The following ADAM18 variants were observed in gnomAD, a reference collection of about 807,000 sequenced individuals.
The protein encoded by ADAM18 is disintegrin and metalloproteinase domain-containing protein 18.
ADAM18 carries 117 observed loss-of-function variants against 94.4 expected under a neutral mutation model. The ratio of observed to expected loss-of-function variants is 1.24; its 90% CI spans 1.07 to 1.45. ADAM18 has a LOEUF of 1.45. Among genes scored for constraint, ADAM18 ranks in the 40% most tolerant of loss-of-function variants. ADAM18 has a pLI of 0.00. For synonymous variants in ADAM18, 327 were observed against 291.6 expected (o/e 1.12, Z -1.24); for missense variants, 936 against 880.0 (o/e 1.06, Z -0.81).
At chr8:39,656,973 T>C (rs1287025594) in intron 12 of ADAM18, among the ~76,000 whole-genome samples, 3 of 152,238 alleles carry the variant, frequency 2.0e-5, no homozygotes, top group East Asian at 3.8e-4. Flanking sequence ...TGCTATTTTA[T>C]TGTAAAGTTG....
chr8:39,620,088 T>G lies in ADAM18; in HGVS notation c.523-9286T>G, dbSNP rs553959616. ...ACAGCCATCCTTTTTTATTTTTTAT[T>G]TTTTGACAATGTTGCCAAGAACTCA... On this transcript the variant is annotated intron_variant, in intron 6 of 19. Transcript: ENST00000265707. Among the ~76,000 whole-genome samples, 3 of 152,126 alleles carry G rather than the reference T, an allele frequency of 2.0e-5. No individual in the cohort carries two copies. In the East Asian group the frequency reaches 5.8e-4, roughly 29 times the overall value.
chr8:39,657,820 A>G (rs554992971), intron 12 of ADAM18, among the ~76,000 whole-genome samples: 121 of 152,342 alleles, frequency 7.9e-4, no homozygotes, highest in Non-Finnish European at 1.2e-3. Context: ...CAAAGCCTTT[A>G]TAGTCTTAAA....
chr8:39,617,909 T>C (rs1485301157), intron 6 of ADAM18, among the ~76,000 whole-genome samples: 1 of 152,090 alleles, frequency 6.6e-6, no homozygotes, highest in East Asian at 1.9e-4. Flanking sequence ...CATTGATCTG[T>C]ACATTAAACC....
chr8:39,713,061 A>G (rs1396556818), intron 18 of ADAM18, among the ~76,000 whole-genome samples: 1 of 152,236 alleles, frequency 6.6e-6, no homozygotes, highest in Non-Finnish European at 1.5e-5. Context: ...TACAGTAACC[A>G]AAAGAGCATG....
chr8:39,705,926 T>A (rs1425124714), intron 17 of ADAM18, among the ~76,000 whole-genome samples: 1 of 152,080 alleles, frequency 6.6e-6, no homozygotes, highest in Non-Finnish European at 1.5e-5. Flanking sequence ...TTGGTAAAAA[T>A]CTATTAATGT....
chr8:39,665,877 TAAA>T lies in ADAM18; in HGVS notation c.1326+1989_1326+1991del, dbSNP rs527547689. Among the ~76,000 whole-genome samples, 914 of 152,222 alleles carry T rather than the reference TAAA, an allele frequency of 6.0e-3. 5 individuals are homozygous for T. The highest frequency in any genetic ancestry group is 0.021 in the African/African-American group (870 of 41,538). ...ATAGTCTTTTATCTTTTAGAGTAAA[TAAA>T]AGAAGAAAAAAAATTAAATGAATTA... On this transcript the variant is annotated intron_variant, in intron 13 of 19. Transcript: ENST00000265707.
intron 17 of ADAM18, among the ~76,000 whole-genome samples, chr8:39,700,272 T>C (rs7837269): frequency 0.02 from 2,973 of 152,280 alleles, 92 homozygotes; most frequent in African/African-American, 0.068. Flanking sequence ...AATGATTTTG[T>C]CATGAATTGT....
intron 18 of ADAM18, among the ~76,000 whole-genome samples, chr8:39,709,775 T>C (rs1468138085): frequency 6.6e-6 from 1 of 152,144 alleles, no homozygotes; most frequent in Non-Finnish European, 1.5e-5. Flanking sequence ...AATTTTAAGG[T>C]CCCAAAGTAA....
rs139640056 is a variant in ADAM18, at chr8:39,671,628, C to A, written c.1525+3432C>A. On this transcript the variant is annotated intron_variant, in intron 14 of 19. Coordinates refer to ENST00000265707, the MANE Select transcript of ADAM18 (RefSeq NM_014237.3). ...ATGGAGACAATTGAAAATATGACTA[C>A]CCTAATTTTGAGGCTCCAGGCTTCT... Among the ~76,000 whole-genome samples, 178 of 152,216 alleles carry A rather than the reference C, an allele frequency of 1.2e-3. 1 individual carries two copies. The highest frequency in any genetic ancestry group is 4.1e-3 in the African/African-American group (170 of 41,532).
At chr8:39,667,870 G>A (rs1362578111) in intron 13 of ADAM18, 128 bp from the exon 14 acceptor site, 28 of 919,440 alleles carry the variant, frequency 3.0e-5, no homozygotes, top group Middle Eastern at 3.5e-4. Flanking sequence ...GCAAACTCAC[G>A]GACTTGGGAA....
At chr8:39,706,078 A>C (rs2129581295) in intron 17 of ADAM18, among the ~76,000 whole-genome samples, 1 of 152,232 alleles carries the variant, frequency 6.6e-6, no homozygotes, top group Admixed American at 6.5e-5. Flanking sequence ...TATTGTTTGA[A>C]TTTTACAAAA....
At position 39,727,303 on chromosome 8, in the gene ADAM18, CTCCTTTCAAAGCTT is replaced by C. The variant is rs1335392139; in HGVS notation, c.2178-2579_2178-2566del. ...TGCTCCACAGCCTACTTGAATTCCT[CTCCTTTCAAAGCTT>C]TCCTTTCAAAGCTTTTTCTTGCTAC... is the stretch of plus-strand genomic sequence containing the variant. On this transcript the variant is annotated intron_variant, in intron 19 of 19. Transcript: ENST00000265707. Among the ~76,000 whole-genome samples, 7 of 152,192 alleles carry C rather than the reference CTCCTTTCAAAGCTT, an allele frequency of 4.6e-5. No homozygotes were observed. In the East Asian group the frequency reaches 5.8e-4, roughly 13 times the overall value.
intron 17 of ADAM18, among the ~76,000 whole-genome samples, chr8:39,696,027 G>A (rs540150800): frequency 6.6e-6 from 1 of 151,316 alleles, no homozygotes; most frequent in South Asian, 2.1e-4. Flanking sequence ...TGCAAGCACA[G>A]GGGTTCCAAT....
At chr8:39,710,104 G>T (rs1322179101) in intron 18 of ADAM18, among the ~76,000 whole-genome samples, 1 of 152,054 alleles carries the variant, frequency 6.6e-6, no homozygotes, top group African/African-American at 2.4e-5. Context: ...GTTGTGTAGA[G>T]TGAGATGAGA....
intron 14 of ADAM18, among the ~76,000 whole-genome samples, chr8:39,676,922 T>C (rs1420920327): frequency 6.6e-6 from 1 of 152,238 alleles, no homozygotes; most frequent in Non-Finnish European, 1.5e-5. Flanking sequence ...GTAGAAGAGA[T>C]TTGGACTTCC....
intron 15 of ADAM18, 82 bp downstream of exon 15, chr8:39,677,618 C>G (rs1821335074): frequency 1.1e-6 from 1 of 930,574 alleles, no homozygotes; most frequent in Non-Finnish European, 1.6e-6. Flanking sequence ...GTAATGAACA[C>G]TAAAATTTTA....
At chr8:39,630,517 C>A (rs996287803) in intron 7 of ADAM18, among the ~76,000 whole-genome samples, 1 of 151,734 alleles carries the variant, frequency 6.6e-6, no homozygotes, top group South Asian at 2.1e-4. Flanking sequence ...AAATATAATA[C>A]AATCAGGTAG....
At chr8:39,726,580 T>G (rs1015293874) in intron 19 of ADAM18, among the ~76,000 whole-genome samples, 1 of 152,184 alleles carries the variant, frequency 6.6e-6, no homozygotes, top group African/African-American at 2.4e-5. Context: ...TATTTCTGCT[T>G]CTATCGCATG....
intron 2 of ADAM18, among the ~76,000 whole-genome samples, chr8:39,594,872 T>A (rs1818693237): frequency 6.6e-6 from 1 of 150,904 alleles, no homozygotes; most frequent in Non-Finnish European, 1.5e-5. Context: ...TCAATAGGTT[T>A]ATGATTTTGT....
Sources: allele counts gnomAD v4.1 joint callset (sites outside exome capture counted in the v4.1 genomes callset), GRCh38; gene constraint gnomAD v4.1.1; transcripts MANE v1.5; gene names NCBI Gene and HGNC (gene_info 2026-07-23, HGNC 2026-07-21).